MSRA: variants seen among roughly 807,000 people sequenced by gnomAD.
The protein encoded by MSRA is methionine sulfoxide reductase A, also known as mitochondrial peptide methionine sulfoxide reductase.
In MSRA, 54 loss-of-function variants were observed where a neutral mutation model predicts 31.3. The observed-to-expected ratio is 1.73, with a 90% CI of 1.39 to 2.17. The LOEUF is 2.17. MSRA is among the 30% of genes most tolerant of loss of function. The pLI is 0.00. For missense variants in MSRA, 507 were observed against 300.9 expected, an observed-to-expected ratio of 1.69 and a Z score of -5.07; for synonymous variants, 169 against 116.5, an observed-to-expected ratio of 1.45 and a Z score of -2.90.
intron 1 of MSRA, among the ~76,000 whole-genome samples, chr8:10,188,673 G>T (rs1251165990): frequency 6.6e-6 from 1 of 152,102 alleles, no homozygotes; most frequent in South Asian, 2.1e-4. Flanking sequence ...GTCCTTTCCT[G>T]ATTGAATTAT....
chr8:10,387,826 A>G (rs769863294), intron 5 of MSRA, among the ~76,000 whole-genome samples: 29 of 152,120 alleles, frequency 1.9e-4, no homozygotes, highest in Non-Finnish European at 8.8e-5. Context: ...TTTCGGGGGA[A>G]GAAGTTTGTT....
intron 4 of MSRA, among the ~76,000 whole-genome samples, chr8:10,304,419 A>G (rs1425412168): frequency 6.6e-6 from 1 of 152,288 alleles, no homozygotes; most frequent in African/African-American, 2.4e-5. Context: ...GAAATCATTA[A>G]AACAAGTATG....
At chr8:10,286,436 A>T (rs1230173306) in intron 3 of MSRA, among the ~76,000 whole-genome samples, 4 of 152,154 alleles carry the variant, frequency 2.6e-5, no homozygotes, top group Non-Finnish European at 5.9e-5. Context: ...TGCCGCCGCC[A>T]TCCATGTAAG....
At chr8:10,338,916 T>C (rs1269584603) in intron 5 of MSRA, among the ~76,000 whole-genome samples, 2 of 152,188 alleles carry the variant, frequency 1.3e-5, no homozygotes, top group Non-Finnish European at 2.9e-5. Context: ...ATCCAGAAAA[T>C]GCTCTACAAA....
At position 10,157,241 on chromosome 8, in the gene MSRA, C is replaced by G. The variant is rs115958088; in HGVS notation, c.143-50592C>G. The stretch of plus-strand genomic sequence containing the variant: ...GTAGTAAAGATCTCGTTAACACTCC[C>G]TTGATGTATGGTATTTGAGTTTAAG... On this transcript the variant is annotated intron_variant, in intron 1 of 5. Transcript: ENST00000317173. 8.5e-3 allele frequency among the ~76,000 whole-genome samples: 1,293 copies of G among 152,096 alleles called. 23 individuals carry two copies. The highest frequency in any genetic ancestry group is 0.028 in the African/African-American group (1,165 of 41,468).
intron 2 of MSRA, among the ~76,000 whole-genome samples, chr8:10,244,759 T>A (rs1443117444): frequency 6.6e-6 from 1 of 152,234 alleles, no homozygotes; most frequent in East Asian, 1.9e-4. Context: ...CAGTAAATTT[T>A]CTATTGATTC....
At chr8:10,420,050 G>T (rs984832955) in intron 5 of MSRA, among the ~76,000 whole-genome samples, 1 of 152,114 alleles carries the variant, frequency 6.6e-6, no homozygotes, top group African/African-American at 2.4e-5. Flanking sequence ...GACAGCTAAA[G>T]AAACAAAAGC....
At chr8:10,180,918 C>T (rs960319098) in intron 1 of MSRA, among the ~76,000 whole-genome samples, 1 of 152,300 alleles carries the variant, frequency 6.6e-6, no homozygotes, top group African/African-American at 2.4e-5. Context: ...TTGGAAAATT[C>T]TGTTTTAGTT....
chr8:10,300,264 T>G (rs1393291897), intron 3 of MSRA, among the ~76,000 whole-genome samples: 1 of 152,122 alleles, frequency 6.6e-6, no homozygotes. Context: ...TCTTTCTTTT[T>G]TTTTTCTTTG....
chr8:10,390,247 G>A (rs1369064400), intron 5 of MSRA, among the ~76,000 whole-genome samples: 1 of 152,248 alleles, frequency 6.6e-6, no homozygotes, highest in Non-Finnish European at 1.5e-5. Flanking sequence ...GGGGCAGGCA[G>A]CCCTGAGAGG....
At chr8:10,180,010 G>T (rs1806397243) in intron 1 of MSRA, among the ~76,000 whole-genome samples, 1 of 152,142 alleles carries the variant, frequency 6.6e-6, no homozygotes, top group African/African-American at 2.4e-5. Context: ...CCAACTGGGT[G>T]TCTAATAATT....
intron 1 of MSRA, among the ~76,000 whole-genome samples, chr8:10,112,414 G>T (rs1052047224): frequency 3.9e-5 from 6 of 152,218 alleles, no homozygotes; most frequent in Admixed American, 1.3e-4. Context: ...AGGAAAAGCT[G>T]TTAACATTCT....
chr8:10,319,047 GA>G (rs375512142), intron 4 of MSRA, among the ~76,000 whole-genome samples: 4 of 152,210 alleles, frequency 2.6e-5, no homozygotes, highest in African/African-American at 9.6e-5. Context: ...CTGATCACGT[GA>G]ACTTACCCAC....
intron 5 of MSRA, among the ~76,000 whole-genome samples, chr8:10,349,976 G>A (rs1194082675): frequency 6.6e-6 from 1 of 152,256 alleles, no homozygotes; most frequent in African/African-American, 2.4e-5. Context: ...TTGCCTTCCA[G>A]CTACCGCTGA....
In MSRA at chr8:10,190,988, G is replaced by A. The variant is rs551520881; in HGVS notation, c.143-16845G>A. On this transcript the variant is annotated intron_variant, in intron 1 of 5. Transcript: ENST00000317173. The stretch of plus-strand genomic sequence containing the variant: ...CGATCAGCTTCAGCATTAGTTTTCT[G>A]GTGTCTCATGACCGTGAGCAGAGAT... Among the ~76,000 whole-genome samples, 8 of 152,268 alleles carry A rather than the reference G, an allele frequency of 5.3e-5. No individual in the cohort carries two copies. In the East Asian group the frequency reaches 1.5e-3, roughly 29 times the overall value.
chr8:10,193,680 G>A (rs747546898), intron 1 of MSRA, among the ~76,000 whole-genome samples: 7 of 152,146 alleles, frequency 4.6e-5, no homozygotes, highest in East Asian at 3.9e-4. Context: ...ACCACCAAGC[G>A]CCTGTCTGTG....
intron 1 of MSRA, among the ~76,000 whole-genome samples, chr8:10,057,022 A>G (rs1160257854): frequency 1.3e-5 from 2 of 152,174 alleles, no homozygotes; most frequent in African/African-American, 4.8e-5. Context: ...TTATATTCTT[A>G]AGGACAATTC....
At chr8:10,394,628 C>T (rs1297059603) in intron 5 of MSRA, among the ~76,000 whole-genome samples, 1 of 152,224 alleles carries the variant, frequency 6.6e-6, no homozygotes, top group Non-Finnish European at 1.5e-5. Context: ...TGGAACTTAC[C>T]TGCAGTCACA....
At chr8:10,427,411 G>A in intron 5 of MSRA, among the ~76,000 whole-genome samples, 1 of 152,150 alleles carries the variant, frequency 6.6e-6, no homozygotes, top group East Asian at 1.9e-4. Context: ...TCTTTCCCTG[G>A]CAGCAGATGT....
Sources: gnomAD v4.1 joint callset for allele counts (sites outside exome capture counted in the v4.1 genomes callset) on GRCh38, gnomAD v4.1.1 for gene constraint, MANE v1.5 for transcripts, NCBI Gene and HGNC (gene_info 2026-07-23, HGNC 2026-07-21) for gene names.